MAPKAP1: variants seen among roughly 807,000 people sequenced by gnomAD.
MAPKAP1 encodes the protein target of rapamycin complex 2 subunit MAPKAP1.
MAPKAP1 carries 20 observed loss-of-function variants against 65.7 expected under a neutral mutation model. The ratio of observed to expected loss-of-function variants is 0.30; its 90% CI spans 0.21 to 0.44. MAPKAP1 has a LOEUF of 0.44. Among genes scored for constraint, MAPKAP1 ranks in the 20% least tolerant of loss-of-function variants. The pLI, the probability that MAPKAP1 is intolerant of heterozygous loss-of-function variation, is 1.00. For synonymous variants in MAPKAP1, 222 were observed against 244.3 expected (o/e 0.91, Z 0.85); for missense variants, 423 against 648.0 (o/e 0.65, Z 3.77).
intron 1 of MAPKAP1, among the ~76,000 whole-genome samples, chr9:125,675,524 G>T (rs1166617628): frequency 6.6e-6 from 1 of 152,150 alleles, no homozygotes; most frequent in Non-Finnish European, 1.5e-5. Context: ...AGGACACTAT[G>T]ACTTCATACA....
chr9:125,464,006 C>A (rs1173921146), intron 10 of MAPKAP1, among the ~76,000 whole-genome samples: 1 of 151,884 alleles, frequency 6.6e-6, no homozygotes. Flanking sequence ...AGAAAGGTCC[C>A]TTGCTTTTGT....
chr9:125,599,297 G>A (rs183273604), intron 4 of MAPKAP1, among the ~76,000 whole-genome samples: 1 of 152,154 alleles, frequency 6.6e-6, no homozygotes, highest in Non-Finnish European at 1.5e-5. Flanking sequence ...GTCACCATGT[G>A]AAGTAGCCCC....
intron 4 of MAPKAP1, among the ~76,000 whole-genome samples, chr9:125,592,799 A>C (rs1413657858): frequency 6.6e-6 from 1 of 150,428 alleles, no homozygotes; most frequent in Non-Finnish European, 1.5e-5. Flanking sequence ...GCTACTCAGG[A>C]GGCTGAGGCA....
In MAPKAP1 at chr9:125,583,715, C is replaced by T. The variant is rs4838274; in HGVS notation, c.671+1840G>A. Among the ~76,000 whole-genome samples the T allele has an allele frequency of 2.6e-5, 4 of 152,086 alleles. No homozygotes were observed. The South Asian group carries it at 6.2e-4, about 24-fold the overall frequency. Reference sequence around the variant, plus strand: ...TCCTATCTCTGTTACTTACTAGTAACCCTGGGCAAGTTCCTCTCTTGATTT... The same window carrying T: ...TCCTATCTCTGTTACTTACTAGTAATCCTGGGCAAGTTCCTCTCTTGATTT... On this transcript the variant is annotated intron_variant, in intron 5 of 11. Transcript: ENST00000265960.
chr9:125,672,412 G>C lies in MAPKAP1; in HGVS notation c.163C>G (p.Gln55Glu), dbSNP rs146019612. Reference protein sequence around the residue: ...SMPGDSGSEIQGSNGETQGYV... With the variant: ...SMPGDSGSEIEGSNGETQGYV... ...CCCTGAGTCTCACCATTGCTTCCCT[G>C]AATTTCTGACCCACTGTCTCCAGGC... The change falls in exon 2 of 12, where the codon CAG becomes GAG. Residue 55 changes from glutamine (Q) to glutamate (E), a missense_variant. By Grantham distance (29) the Gln-to-Glu change is conservative. This residue lies in a region of MAPKAP1 where 58 missense variants were observed against 56.9 expected (regional missense o/e 1.02). Transcript: ENST00000265960. The C allele has an allele frequency of 9.9e-6, 16 of 1,613,996 alleles. No homozygotes were observed. Among genetic ancestry groups the C allele is most frequent in the Non-Finnish European group, 1.4e-5 (16 of 1,180,016 alleles).
intron 7 of MAPKAP1, among the ~76,000 whole-genome samples, chr9:125,533,076 T>G (rs968096473): frequency 2.0e-5 from 3 of 152,088 alleles, no homozygotes; most frequent in Non-Finnish European, 4.4e-5. Context: ...TTTCTCTACA[T>G]GATGGGGTGT....
intron 4 of MAPKAP1, among the ~76,000 whole-genome samples, chr9:125,607,988 G>A (rs929914857): frequency 2.0e-5 from 3 of 152,200 alleles, no homozygotes; most frequent in African/African-American, 7.2e-5. Flanking sequence ...GTGGGCTTCC[G>A]AAGGATGGCC....
rs1852373091 is a variant in MAPKAP1 at position 125,438,667 on chromosome 9, T to G, written c.*220A>C. On this transcript the variant is annotated 3_prime_UTR_variant, in exon 12 of 12. Coordinates refer to ENST00000265960, the MANE Select transcript of MAPKAP1 (RefSeq NM_001006617.3). Reference sequence around the variant, plus strand: ...TGGTCTGACCCCCAAGCATCGCTTATCAAAGCCACTGCCAAGCAGACTTCC... The same window carrying G: ...TGGTCTGACCCCCAAGCATCGCTTAGCAAAGCCACTGCCAAGCAGACTTCC... 5.5e-6 allele frequency: 3 copies of G among 549,410 alleles called. No individual in the cohort carries two copies. In the Admixed American group the frequency reaches 1.0e-4, roughly 19 times the overall value. The allele number at this position is 549,410 out of a possible 1,614,324, so 34.0% of individuals were successfully genotyped here.
At chr9:125,671,541 T>C (rs911423938) in intron 2 of MAPKAP1, among the ~76,000 whole-genome samples, 2 of 152,128 alleles carry the variant, frequency 1.3e-5, no homozygotes, top group Non-Finnish European at 2.9e-5. Context: ...CCTCCTAGAA[T>C]ACCTGTCATA....
intron 11 of MAPKAP1, among the ~76,000 whole-genome samples, chr9:125,443,599 C>T (rs968538592): frequency 7.9e-5 from 12 of 152,254 alleles, no homozygotes; most frequent in African/African-American, 2.6e-4. Flanking sequence ...CTCCCAAATC[C>T]GCAAGACCCC....
intron 2 of MAPKAP1, among the ~76,000 whole-genome samples, 191 bp downstream of exon 2, chr9:125,672,125 C>A (rs1834514120): frequency 6.6e-6 from 1 of 152,198 alleles, no homozygotes; most frequent in Non-Finnish European, 1.5e-5. Context: ...TAATAATATT[C>A]TAGAGGCCCT....
chr9:125,534,605 G>C (rs762146421), intron 7 of MAPKAP1, among the ~76,000 whole-genome samples: 7 of 152,138 alleles, frequency 4.6e-5, no homozygotes, highest in Admixed American at 1.3e-4. Flanking sequence ...TCTGCTTCAT[G>C]TTCTTTGGCC....
intron 5 of MAPKAP1, among the ~76,000 whole-genome samples, chr9:125,580,682 T>TATA (rs1447078580): frequency 6.8e-6 from 1 of 148,116 alleles, no homozygotes; most frequent in African/African-American, 2.5e-5. Flanking sequence ...CTTAAAAGTA[T>TATA]AAAAAAAAAA....
chr9:125,618,685 G>A (rs1832813143), intron 4 of MAPKAP1, among the ~76,000 whole-genome samples: 2 of 152,178 alleles, frequency 1.3e-5, no homozygotes, highest in African/African-American at 4.8e-5. Flanking sequence ...GCAGTGGCGT[G>A]TATACACCTC....
At chr9:125,549,155 T>C (rs527977372) in intron 6 of MAPKAP1, among the ~76,000 whole-genome samples, 2 of 152,340 alleles carry the variant, frequency 1.3e-5, no homozygotes, top group East Asian at 3.9e-4. Context: ...TCCAGACTCT[T>C]AGACTAACCA....
chr9:125,636,230 G>C (rs1367491730), intron 4 of MAPKAP1, among the ~76,000 whole-genome samples: 2 of 152,126 alleles, frequency 1.3e-5, no homozygotes, highest in Admixed American at 1.3e-4. Flanking sequence ...GCCAAAGGCA[G>C]AAAACACCTA....
chr9:125,563,911 C>T (rs13294217), intron 5 of MAPKAP1, among the ~76,000 whole-genome samples: 42,192 of 151,984 alleles, frequency 0.28, 6,749 homozygotes, highest in Non-Finnish European at 0.36. Flanking sequence ...CAGGGTTTCG[C>T]CATGTTGGCC....
chr9:125,698,299 ATATAT>A (rs1564622408), intron 1 of MAPKAP1, among the ~76,000 whole-genome samples: 10 of 13,368 alleles, frequency 7.5e-4, no homozygotes, highest in East Asian at 1.4e-3. Context: ...ATATATATAT[ATATAT>A]ATATATATAT....
chr9:125,519,109 T>C (rs1183653489), intron 7 of MAPKAP1, among the ~76,000 whole-genome samples: 1 of 152,176 alleles, frequency 6.6e-6, no homozygotes, highest in Non-Finnish European at 1.5e-5. Flanking sequence ...GGAACCTCCT[T>C]GAGTCTCCTC....
Sources: allele counts gnomAD v4.1 joint callset (sites outside exome capture counted in the v4.1 genomes callset), GRCh38; gene constraint gnomAD v4.1.1; regional missense constraint gnomAD v4.1.1; transcripts MANE v1.5; gene names NCBI Gene and HGNC (gene_info 2026-07-23, HGNC 2026-07-21).